CTNNA3: variants seen among roughly 807,000 people sequenced by gnomAD.
CTNNA3 encodes the protein catenin alpha 3, also known as catenin alpha-3.
CTNNA3 carries 76 observed loss-of-function variants against 95.7 expected under a neutral mutation model. The ratio of observed to expected loss-of-function variants is 0.79; its 90% CI spans 0.66 to 0.96. The LOEUF (loss-of-function observed/expected upper bound fraction) is 0.96, where lower values mean the gene tolerates loss of function less well. Ranked by LOEUF, CTNNA3 falls within the 40% of genes least tolerant of loss-of-function variation. The pLI is 0.00. For synonymous variants in CTNNA3, 431 were observed against 374.4 expected, an observed-to-expected ratio of 1.15 and a Z score of -1.74; for missense variants, 1,191 against 1,089.8, an observed-to-expected ratio of 1.09 and a Z score of -1.31.
At chr10:65,926,667 G>T (rs975851107) in intron 17 of CTNNA3, among the ~76,000 whole-genome samples, 1 of 151,874 alleles carries the variant, frequency 6.6e-6, no homozygotes, top group African/African-American at 2.4e-5. Context: ...GTAGAGACAG[G>T]GTTTCTCCAT....
At chr10:66,967,351 G>T (rs975103368) in intron 7 of CTNNA3, among the ~76,000 whole-genome samples, 1 of 151,128 alleles carries the variant, frequency 6.6e-6, no homozygotes, top group Non-Finnish European at 1.5e-5. Flanking sequence ...TATATAGATA[G>T]ATAGATAGAT....
intron 10 of CTNNA3, among the ~76,000 whole-genome samples, chr10:66,549,739 A>T (rs542949961): frequency 5.5e-4 from 83 of 152,284 alleles, no homozygotes; most frequent in African/African-American, 1.8e-3. Flanking sequence ...TTAATTCATG[A>T]ATTATTTAGA....
intron 9 of CTNNA3, among the ~76,000 whole-genome samples, chr10:66,664,820 T>A (rs939330967): frequency 6.6e-5 from 10 of 151,932 alleles, no homozygotes; most frequent in African/African-American, 2.4e-4. Context: ...TTATTCAATT[T>A]TGTCCTTACG....
chr10:66,117,180 T>G (rs1564663132), intron 13 of CTNNA3, among the ~76,000 whole-genome samples: 1 of 152,156 alleles, frequency 6.6e-6, no homozygotes, highest in Non-Finnish European at 1.5e-5. Context: ...CTTATCTTGA[T>G]TATGGTGATA....
intron 5 of CTNNA3, among the ~76,000 whole-genome samples, chr10:67,463,330 C>T (rs1847456429): frequency 6.6e-6 from 1 of 152,134 alleles, no homozygotes; most frequent in African/African-American, 2.4e-5. Context: ...TAAGTGGGAA[C>T]AATCACCATC....
intron 16 of CTNNA3, among the ~76,000 whole-genome samples, chr10:65,967,306 C>T (rs2077993015): frequency 6.6e-6 from 1 of 151,994 alleles, no homozygotes; most frequent in Admixed American, 6.6e-5. Flanking sequence ...AAAATAGCTG[C>T]CTTTAATTTA....
intron 5 of CTNNA3, among the ~76,000 whole-genome samples, chr10:67,431,008 A>G (rs533436951): frequency 6.6e-6 from 1 of 151,970 alleles, no homozygotes; most frequent in African/African-American, 2.4e-5. Flanking sequence ...GAAACTTCAG[A>G]TAGCTCCTTA....
At chr10:66,996,065 A>ATAT (rs772940558) in intron 7 of CTNNA3, among the ~76,000 whole-genome samples, 1 of 152,120 alleles carries the variant, frequency 6.6e-6, no homozygotes, top group Non-Finnish European at 1.5e-5. Context: ...ATATTTTGTA[A>ATAT]TATTATCCTA....
At chr10:67,738,954 A>G (rs1165109216) in intron 1 of CTNNA3, among the ~76,000 whole-genome samples, 1 of 152,206 alleles carries the variant, frequency 6.6e-6, no homozygotes, top group Non-Finnish European at 1.5e-5. Context: ...AAAAGACCAA[A>G]TCTATATCTG....
At chr10:67,105,311 A>G (rs1045051562) in intron 7 of CTNNA3, among the ~76,000 whole-genome samples, 5 of 152,086 alleles carry the variant, frequency 3.3e-5, no homozygotes, top group South Asian at 4.2e-4. Context: ...TAGTCCAAGA[A>G]CTATTTCTAT....
intron 11 of CTNNA3, among the ~76,000 whole-genome samples, chr10:66,474,622 T>G (rs1305812542): frequency 4.6e-5 from 7 of 152,000 alleles, no homozygotes; most frequent in Admixed American, 3.9e-4. Flanking sequence ...AGACTTACAT[T>G]CTGTTTTTCA....
intron 11 of CTNNA3, among the ~76,000 whole-genome samples, chr10:66,516,908 C>G (rs1840879520): frequency 6.6e-6 from 1 of 152,256 alleles, no homozygotes; most frequent in African/African-American, 2.4e-5. Flanking sequence ...GAACAGAATT[C>G]AGAGATGCTT....
rs79252162 is a variant in CTNNA3 at position 67,289,968 on chromosome 10, TA to T, written c.580-70099del. 6.0e-3 allele frequency among the ~76,000 whole-genome samples: 854 copies of T among 143,080 alleles called. 10 individuals are homozygous for T. Among genetic ancestry groups the T allele is most frequent in the African/African-American group, 0.019 (727 of 39,182 alleles). 93.9% of individuals were successfully genotyped at this position (143,080 alleles called of 152,430 possible). A position where few individuals can be genotyped will look rare whatever the true frequency, so the allele number is the denominator to read the frequency against. ...GCATATACCACATGCCAGGCTAATT[TA>T]AAAAAAAAAAAACATTTGTAGAGAC... On this transcript the variant is annotated intron_variant, in intron 5 of 17. Coordinates refer to ENST00000433211, the MANE Select transcript of CTNNA3 (RefSeq NM_013266.4).
At chr10:66,992,327 A>G (rs1851085975) in intron 7 of CTNNA3, among the ~76,000 whole-genome samples, 1 of 151,948 alleles carries the variant, frequency 6.6e-6, no homozygotes, top group African/African-American at 2.4e-5. Flanking sequence ...CTGTAAATCA[A>G]CTGTTTATAT....
At chr10:67,189,300 G>C (rs1262409449) in intron 6 of CTNNA3, among the ~76,000 whole-genome samples, 1 of 152,088 alleles carries the variant, frequency 6.6e-6, no homozygotes, top group African/African-American at 2.4e-5. Flanking sequence ...AGAGTGGAGT[G>C]GTGGTTACCA....
intron 7 of CTNNA3, among the ~76,000 whole-genome samples, chr10:67,057,209 T>A (rs1010934392): frequency 6.6e-5 from 10 of 152,202 alleles, no homozygotes; most frequent in African/African-American, 2.4e-5. Context: ...TGTTTTGATA[T>A]ACATATAAAT....
intron 13 of CTNNA3, among the ~76,000 whole-genome samples, chr10:66,235,775 AT>A (rs1303250732): frequency 2.3e-4 from 1 of 4,406 alleles, no homozygotes; most frequent in African/African-American, 2.5e-4. Flanking sequence ...AAAGCTATTA[AT>A]CTGACAATTA....
chr10:67,631,724 G>A (rs914477627), intron 2 of CTNNA3, among the ~76,000 whole-genome samples: 1 of 151,972 alleles, frequency 6.6e-6, no homozygotes, highest in African/African-American at 2.4e-5. Flanking sequence ...CAAAATATGG[G>A]AACAACCATC....
intron 15 of CTNNA3, among the ~76,000 whole-genome samples, chr10:66,008,400 C>A (rs1437778119): frequency 6.6e-6 from 1 of 152,150 alleles, no homozygotes; most frequent in Non-Finnish European, 1.5e-5. Context: ...TAAGACTGTG[C>A]CTGTTCCATG....
Sources: allele counts gnomAD v4.1 joint callset (sites outside exome capture counted in the v4.1 genomes callset), GRCh38; gene constraint gnomAD v4.1.1; transcripts MANE v1.5; gene names NCBI Gene and HGNC (gene_info 2026-07-23, HGNC 2026-07-21).